Variants in SPAG16 observed in about 807,000 individuals in gnomAD.
SPAG16 encodes sperm associated antigen 16, also known as sperm-associated antigen 16 protein.
SPAG16 carries 86 observed loss-of-function variants against 80.4 expected under a neutral mutation model. The ratio of observed to expected loss-of-function variants is 1.07; its 90% CI spans 0.90 to 1.28. The LOEUF is 1.28. Among genes scored for constraint, SPAG16 ranks in the 50% most tolerant of loss-of-function variants. The pLI is 0.00. For missense variants in SPAG16, 870 were observed against 765.3 expected (o/e 1.14, Z -1.61); for synonymous variants, 294 against 265.9 (o/e 1.11, Z -1.03).
intron 9 of SPAG16, 35 bp downstream of exon 9, chr2:213,375,154 C>A: frequency 1.4e-6 from 2 of 1,401,088 alleles, no homozygotes; most frequent in Non-Finnish European, 2.0e-6. Flanking sequence ...TTAAGTCATA[C>A]TTAACTCTCA....
At chr2:213,428,322 C>T (rs1186845027) in intron 9 of SPAG16, among the ~76,000 whole-genome samples, 1 of 152,118 alleles carries the variant, frequency 6.6e-6, no homozygotes, top group African/African-American at 2.4e-5. Flanking sequence ...CTTGCCCTTC[C>T]CAAGCCCTGA....
chr2:214,028,976 A>T (rs2048275224), intron 13 of SPAG16, among the ~76,000 whole-genome samples: 1 of 151,986 alleles, frequency 6.6e-6, no homozygotes, highest in Non-Finnish European at 1.5e-5. Context: ...GCCTTTGGGG[A>T]GACTTTTAGT....
chr2:214,177,626 A>C (rs142635834), intron 15 of SPAG16, among the ~76,000 whole-genome samples: 1 of 150,658 alleles, frequency 6.6e-6, no homozygotes, highest in Non-Finnish European at 1.5e-5. Context: ...GACAGAAGGT[A>C]GGTTTTTTGT....
chr2:213,614,516 A>C (rs1054049586), intron 10 of SPAG16, among the ~76,000 whole-genome samples: 1 of 152,192 alleles, frequency 6.6e-6, no homozygotes, highest in Admixed American at 6.5e-5. Flanking sequence ...TTTGGCTATC[A>C]GTCCTTCAGA....
chr2:213,449,072 C>T (rs112490307), intron 9 of SPAG16, among the ~76,000 whole-genome samples: 3,630 of 152,066 alleles, frequency 0.024, 62 homozygotes, highest in African/African-American at 0.038. Context: ...CCCTGGGAAA[C>T]GAATGTGTTC....
intron 5 of SPAG16, among the ~76,000 whole-genome samples, chr2:213,337,516 G>C (rs1261150014): frequency 1.3e-5 from 2 of 152,146 alleles, no homozygotes; most frequent in Non-Finnish European, 2.9e-5. Flanking sequence ...AACTAGTATA[G>C]AGAGGAATAT....
intron 15 of SPAG16, among the ~76,000 whole-genome samples, chr2:214,150,695 T>G (rs1401495952): frequency 6.6e-6 from 1 of 152,054 alleles, no homozygotes; most frequent in Non-Finnish European, 1.5e-5. Context: ...TACTTCCTAA[T>G]AGTAGAAGTT....
chr2:213,376,636 A>T (rs1211593727), intron 9 of SPAG16, among the ~76,000 whole-genome samples: 1 of 151,820 alleles, frequency 6.6e-6, no homozygotes, highest in African/African-American at 2.4e-5. Context: ...ATATCTATTG[A>T]CTCCGCCGTA....
chr2:214,344,099 T>C (rs940166230), intron 15 of SPAG16, among the ~76,000 whole-genome samples: 9 of 152,306 alleles, frequency 5.9e-5, no homozygotes, highest in African/African-American at 2.2e-4. Context: ...GTACCATTTA[T>C]TGAAAATGCT....
intron 10 of SPAG16, among the ~76,000 whole-genome samples, chr2:213,562,316 G>A (rs1477287221): frequency 3.3e-5 from 5 of 152,138 alleles, no homozygotes; most frequent in African/African-American, 1.2e-4. Flanking sequence ...TTTGCCCTTT[G>A]TGGTGTATTT....
intron 9 of SPAG16, among the ~76,000 whole-genome samples, chr2:213,421,805 C>T (rs961039038): frequency 1.3e-5 from 2 of 152,210 alleles, no homozygotes; most frequent in Admixed American, 6.5e-5. Context: ...GAGCTACCCA[C>T]TCCAGATCTC....
At chr2:214,254,232 CAG>C (rs1428966197) in intron 15 of SPAG16, among the ~76,000 whole-genome samples, 1 of 152,136 alleles carries the variant, frequency 6.6e-6, no homozygotes, top group Admixed American at 6.6e-5. Flanking sequence ...CATCTGCAAA[CAG>C]AGACAATTTG....
Position 213,709,252 on chromosome 2 carries a change from C to G in SPAG16, c.1071-153233C>G, listed in dbSNP as rs546515871. On this transcript the variant is annotated intron_variant, in intron 10 of 15. Transcript: ENST00000331683. The stretch of plus-strand genomic sequence containing the variant: ...CTACATTTTAAAAAATGTCTTTGAT[C>G]CTTTCTCGTTTGAAATATGGATGTA... Among the ~76,000 whole-genome samples, 44 of 152,162 alleles carry G rather than the reference C, an allele frequency of 2.9e-4. No individual in the cohort carries two copies. The South Asian group carries it at 8.3e-3, about 29-fold the overall frequency.
intron 10 of SPAG16, among the ~76,000 whole-genome samples, chr2:213,737,493 C>CTT (rs3076768): frequency 0.65 from 92,195 of 141,832 alleles, 30,910 homozygotes; most frequent in South Asian, 0.82. Flanking sequence ...TTTTTCTTTT[C>CTT]TTTTTTTTTT....
intron 4 of SPAG16, among the ~76,000 whole-genome samples, chr2:213,314,496 G>C (rs1281139424): frequency 6.6e-6 from 1 of 151,790 alleles, no homozygotes; most frequent in Non-Finnish European, 1.5e-5. Context: ...TGTAGTTTGT[G>C]CATTAAAATT....
At chr2:213,750,333 AAG>A (rs142321593) in intron 10 of SPAG16, among the ~76,000 whole-genome samples, 3,072 of 152,330 alleles carry the variant, frequency 0.02, 117 homozygotes, top group African/African-American at 0.07. Context: ...GTAAAATGAC[AAG>A]AGTTACATCG....
chr2:214,330,291 G>C (rs1204039654), intron 15 of SPAG16, among the ~76,000 whole-genome samples: 1 of 149,420 alleles, frequency 6.7e-6, no homozygotes, highest in Non-Finnish European at 1.5e-5. Flanking sequence ...AAAAAAAAAA[G>C]GAAAAGAAAT....
intron 14 of SPAG16, among the ~76,000 whole-genome samples, chr2:214,138,327 T>A (rs1428481712): frequency 1.3e-5 from 2 of 151,912 alleles, no homozygotes; most frequent in East Asian, 3.9e-4. Flanking sequence ...TTGGGGGAGA[T>A]TATTTATTCA....
chr2:213,720,310 A>G (rs1431735285), intron 10 of SPAG16, among the ~76,000 whole-genome samples: 1 of 151,982 alleles, frequency 6.6e-6, no homozygotes, highest in Non-Finnish European at 1.5e-5. Flanking sequence ...GGTTCTGCAC[A>G]TGTATCCCAG....
Sources: allele counts gnomAD v4.1 joint callset (sites outside exome capture counted in the v4.1 genomes callset), GRCh38; gene constraint gnomAD v4.1.1; transcripts MANE v1.5; gene names NCBI Gene and HGNC (gene_info 2026-07-23, HGNC 2026-07-21).